Variants in USH2A observed in about 807,000 individuals in gnomAD.
USH2A encodes the protein usherin.
In USH2A, 443 loss-of-function variants were observed where a neutral mutation model predicts 538.9. That is an observed-to-expected ratio of 0.82 (90% CI 0.76 to 0.89). USH2A has a LOEUF of 0.89. USH2A is among the 40% of genes least tolerant of loss of function. The probability of loss-of-function intolerance (pLI) is 0.00; values close to 1 mark genes in which losing one functional copy is unlikely to be tolerated. For missense variants in USH2A, 6,633 were observed against 6,324.8 expected (o/e 1.05, Z -1.65); for synonymous variants, 2,413 against 2,273.5 (o/e 1.06, Z -1.75).
chr1:215,773,799 G>A (rs1414041120), intron 55 of USH2A, among the ~76,000 whole-genome samples: 1 of 152,124 alleles, frequency 6.6e-6, no homozygotes, highest in Non-Finnish European at 1.5e-5. Flanking sequence ...TGGTGATCTT[G>A]ACTGTGATGG....
chr1:216,256,396 A>C (rs2036261171), intron 11 of USH2A, among the ~76,000 whole-genome samples: 1 of 132,860 alleles, frequency 7.5e-6, no homozygotes, highest in Non-Finnish European at 1.6e-5. Context: ...TTGGTTTATT[A>C]GTTATAACTC....
chr1:216,118,931 T>G (rs1453019335), intron 21 of USH2A, among the ~76,000 whole-genome samples: 1 of 152,216 alleles, frequency 6.6e-6, no homozygotes, highest in Non-Finnish European at 1.5e-5. Flanking sequence ...ATGTCTCATT[T>G]CTGAACTAGT....
At position 215,680,312 on chromosome 1, in the gene USH2A, A is replaced by T. The variant is rs564777507; in HGVS notation, c.12131T>A (p.Val4044Glu). ...AATTTCTCCTGCATGGTTTGCAGCC[A>T]CAACACCAATGCGATATGTTGTGAA... ...EPFTTYRIGV[V>E]AANHAGEILS... is the part of the protein sequence containing the mutation. Residue 4044 changes from valine (V) to glutamate (E), a missense_variant, in exon 62 of 72, where the codon GTG (valine) becomes GAG (glutamate). Coordinates refer to ENST00000307340, the MANE Select transcript of USH2A (RefSeq NM_206933.4). The T allele has an allele frequency of 6.2e-7, 1 of 1,614,128 alleles. No individual in the cohort carries two copies. The highest frequency in any genetic ancestry group is 1.7e-5 in the Admixed American group (1 of 60,012).
intron 26 of USH2A, among the ~76,000 whole-genome samples, chr1:216,080,415 T>G (rs1251502806): frequency 6.6e-6 from 1 of 151,802 alleles, no homozygotes; most frequent in East Asian, 1.9e-4. Flanking sequence ...ATATAAGAAA[T>G]AAAAATCATT....
chr1:216,012,956 C>T (rs138946571), intron 32 of USH2A, among the ~76,000 whole-genome samples: 4,289 of 152,206 alleles, frequency 0.028, 173 homozygotes, highest in African/African-American at 0.089. Flanking sequence ...TCATACATGT[C>T]CTGCTCTTGT....
intron 3 of USH2A, among the ~76,000 whole-genome samples, chr1:216,365,687 T>G (rs1389948671): frequency 6.6e-6 from 1 of 152,046 alleles, no homozygotes. Context: ...CAATTTTTTT[T>G]TTCTGTAAAT....
At chr1:215,849,250 G>T (rs958267696) in intron 44 of USH2A, among the ~76,000 whole-genome samples, 4 of 152,012 alleles carry the variant, frequency 2.6e-5, no homozygotes, top group Non-Finnish European at 5.9e-5. Context: ...TATTTGCATG[G>T]TGTACCAAAA....
At chr1:215,925,523 C>A (rs10495011) in intron 38 of USH2A, among the ~76,000 whole-genome samples, 5,604 of 152,164 alleles carry the variant, frequency 0.037, 136 homozygotes, top group South Asian at 0.083. Flanking sequence ...AAGGTAAAGA[C>A]AAACCATCTG....
intron 36 of USH2A, among the ~76,000 whole-genome samples, chr1:215,967,135 T>G (rs116752286): frequency 6.6e-6 from 1 of 152,186 alleles, no homozygotes; most frequent in African/African-American, 2.4e-5. Context: ...AGAGCAAATG[T>G]GCAATAAAAC....
chr1:215,975,694 A>G (rs1667603848), intron 35 of USH2A, among the ~76,000 whole-genome samples: 1 of 152,140 alleles, frequency 6.6e-6, no homozygotes, highest in Non-Finnish European at 1.5e-5. Context: ...TTGTACCAGT[A>G]TCATGTTGTT....
intron 9 of USH2A, among the ~76,000 whole-genome samples, chr1:216,305,280 T>A (rs1296366046): frequency 6.6e-6 from 1 of 152,182 alleles, no homozygotes; most frequent in South Asian, 2.1e-4. Context: ...TCCCTCTTTG[T>A]TAACTGCTGT....
chr1:215,671,042 A>G lies in USH2A; in HGVS notation c.14063T>C (p.Leu4688Pro). ...ATQPRKSNPV[L>P]IYNGSSTSFI... Reference sequence around the variant, plus strand: ...AGATGTTGAGCTTCCGTTATAGATTAGGACTGGATTGGATTTTCTAGGCTG... The same window carrying G: ...AGATGTTGAGCTTCCGTTATAGATTGGGACTGGATTGGATTTTCTAGGCTG... Residue 4688 changes from leucine (L) to proline (P), a missense_variant, in exon 64 of 72, where the codon CTA (leucine) becomes CCA (proline). Physicochemically the swap from Leu to Pro is moderately conservative, Grantham distance 98. Coordinates refer to ENST00000307340, the MANE Select transcript of USH2A (RefSeq NM_206933.4). 6.2e-7 allele frequency: 1 copy of G among 1,614,196 alleles called. No homozygotes were observed. Among genetic ancestry groups the G allele is most frequent in the East Asian group, 2.2e-5 (1 of 44,870 alleles).
chr1:216,167,875 C>T (rs906867728), intron 21 of USH2A, among the ~76,000 whole-genome samples: 2 of 152,036 alleles, frequency 1.3e-5, no homozygotes, highest in African/African-American at 4.8e-5. Context: ...AATTTGCCGC[C>T]AGTAACATTA....
At chr1:216,147,140 C>T (rs1252608887) in intron 21 of USH2A, among the ~76,000 whole-genome samples, 2 of 151,958 alleles carry the variant, frequency 1.3e-5, no homozygotes, top group Non-Finnish European at 2.9e-5. Context: ...CCTGCCTGTC[C>T]CCTCAGTACC....
intron 32 of USH2A, among the ~76,000 whole-genome samples, chr1:216,040,333 T>C (rs2030221384): frequency 6.6e-6 from 1 of 152,016 alleles, no homozygotes; most frequent in Non-Finnish European, 1.5e-5. Context: ...TTTCCTCTTT[T>C]GGAGTTCTAG....
In USH2A at chr1:216,028,299, A is replaced by T. The variant is rs147023798; in HGVS notation, c.6325+18132T>A. ...GCTACTCAGGAGACTAAGGCAGGAG[A>T]ATGGCTTGAACCCAGGAGGCGGGGT... is the stretch of plus-strand genomic sequence containing the variant. On this transcript the variant is annotated intron_variant, in intron 32 of 71. Transcript: ENST00000307340. Among the ~76,000 whole-genome samples the T allele has an allele frequency of 6.2e-3, 942 of 152,188 alleles. 10 individuals are homozygous for T. Among genetic ancestry groups the T allele is most frequent in the African/African-American group, 0.021 (877 of 41,506 alleles).
intron 37 of USH2A, among the ~76,000 whole-genome samples, chr1:215,959,536 A>G (rs12410350): frequency 0.11 from 16,191 of 152,090 alleles, 934 homozygotes; most frequent in African/African-American, 0.14. Flanking sequence ...GTTATCTGAG[A>G]TCCATGAAAT....
intron 35 of USH2A, among the ~76,000 whole-genome samples, chr1:215,977,675 A>G (rs1190396142): frequency 6.6e-6 from 1 of 151,728 alleles, no homozygotes; most frequent in Admixed American, 6.6e-5. Context: ...ATCACGCCCA[A>G]CTAATTTTTG....
At chr1:216,343,362 C>G (rs1374923231) in intron 4 of USH2A, among the ~76,000 whole-genome samples, 1 of 140,300 alleles carries the variant, frequency 7.1e-6, no homozygotes, top group Non-Finnish European at 1.5e-5. Context: ...ATAGTAAGAA[C>G]CATCTCTACA....
Sources: allele counts gnomAD v4.1 joint callset (sites outside exome capture counted in the v4.1 genomes callset), GRCh38; gene constraint gnomAD v4.1.1; transcripts MANE v1.5; gene names NCBI Gene and HGNC (gene_info 2026-07-23, HGNC 2026-07-21).